The following VPS13C variants were observed in gnomAD, a reference collection of about 807,000 sequenced individuals.
VPS13C encodes the protein intermembrane lipid transfer protein VPS13C.
A neutral mutation model predicts 456.8 loss-of-function variants in VPS13C; 358 were observed. The observed-to-expected ratio is 0.78, with a 90% confidence interval of 0.72 to 0.86. The LOEUF is 0.86. Ranked by LOEUF, VPS13C falls within the 40% of genes least tolerant of loss-of-function variation. The pLI is 0.00. For synonymous variants in VPS13C, 1,578 were observed against 1,486.7 expected (o/e 1.06, Z -1.41); for missense variants, 4,818 against 4,385.4 (o/e 1.10, Z -2.79).
intron 30 of VPS13C, 124 bp downstream of exon 30, chr15:61,965,959 A>T: frequency 3.4e-6 from 2 of 585,910 alleles, no homozygotes; most frequent in East Asian, 3.1e-5. Context: ...GAGGTTATTT[A>T]TAACTCTTAT....
chr15:61,854,399 C>T lies in VPS13C; in HGVS notation c.*58G>A, dbSNP rs17238096. 0.07 allele frequency: 103,234 copies of T among 1,469,670 alleles called. 3,994 individuals are homozygous for T. The highest frequency in any genetic ancestry group is 0.082 in the Middle Eastern group (473 of 5,780). The allele number at this position is 1,469,670 out of a possible 1,614,324, so 91.0% of individuals were successfully genotyped here. A position where few individuals can be genotyped will look rare whatever the true frequency, so the allele number is the denominator to read the frequency against. On this transcript the variant is annotated 3_prime_UTR_variant, in exon 85 of 85. Coordinates refer to ENST00000644861, the MANE Select transcript of VPS13C (RefSeq NM_020821.3). ...TCTTTAGCAAGATAAAGCAGAGTGA[C>T]TTATAGACAAGACCAGTGATTGTTT...
chr15:61,940,201 T>A (rs925341511), intron 47 of VPS13C, among the ~76,000 whole-genome samples: 3 of 152,192 alleles, frequency 2.0e-5, no homozygotes, highest in Non-Finnish European at 4.4e-5. Context: ...TTAAAAATAC[T>A]AAGGTGCTTT....
chr15:61,944,061 G>A (rs1367209345), intron 45 of VPS13C, among the ~76,000 whole-genome samples: 1 of 152,104 alleles, frequency 6.6e-6, no homozygotes, highest in Non-Finnish European at 1.5e-5. Flanking sequence ...CTAACAATTA[G>A]AGAAATGCAA....
Position 61,945,827 on chromosome 15 carries a change from T to A in VPS13C, c.5036A>T (p.Asp1679Val), listed in dbSNP as rs143890997. The A allele has an allele frequency of 6.2e-7, 1 of 1,613,178 alleles. No homozygotes were observed. Among genetic ancestry groups the A allele is most frequent in the Non-Finnish European group, 8.5e-7 (1 of 1,179,682 alleles). ...VFRFQLTLYP[D>V]ATEGEAYADM... The stretch of plus-strand genomic sequence containing the variant: ...AGCATAGGCCTCTCCTTCTGTGGCA[T>A]CTGGATAAAGAGTCAGTTGGAACCT... The change falls in exon 45 of 85, where the codon GAT becomes GTT. Residue 1679 changes from aspartate to valine, a missense_variant. Asp to Val is a radical substitution (Grantham distance 152). This residue lies in a region of VPS13C where 4,552 missense variants were observed against 4,130.6 expected (regional missense o/e 1.10). Coordinates refer to ENST00000644861, the MANE Select transcript of VPS13C (RefSeq NM_020821.3).
rs573998047 is a variant in VPS13C, at chr15:61,980,638, A to T, written c.2166+704T>A. 5.1e-5 allele frequency among the ~76,000 whole-genome samples: 6 copies of T among 118,742 alleles called. No individual in the cohort carries two copies. The South Asian group carries it at 1.6e-3, about 31-fold the overall frequency. The allele number at this position is 118,742 out of a possible 152,430, so 77.9% of individuals were successfully genotyped here. A position where few individuals can be genotyped will look rare whatever the true frequency, so the allele number is the denominator to read the frequency against. ...TAACTTTTTTTGGTTTCCTAATCTT[A>T]AAAAAAAAAAAATCTATAAACAGTA... On this transcript the variant is annotated intron_variant, in intron 22 of 84. Coordinates refer to ENST00000644861, the MANE Select transcript of VPS13C (RefSeq NM_020821.3).
intron 16 of VPS13C, among the ~76,000 whole-genome samples, 157 bp from the exon 17 acceptor site, chr15:61,991,959 G>C (rs1419271698): frequency 6.6e-6 from 1 of 150,520 alleles, no homozygotes; most frequent in Non-Finnish European, 1.5e-5. Flanking sequence ...ACATAATTTA[G>C]TTAAATGCAG....
At chr15:62,037,431 T>C (rs2048093514) in intron 3 of VPS13C, among the ~76,000 whole-genome samples, 1 of 81,766 alleles carries the variant, frequency 1.2e-5, no homozygotes, top group Non-Finnish European at 2.5e-5. Flanking sequence ...TATATATAAA[T>C]ATAATATATA....
chr15:62,043,404 C>T (rs1050449837), intron 2 of VPS13C, among the ~76,000 whole-genome samples: 1 of 152,096 alleles, frequency 6.6e-6, no homozygotes, highest in Non-Finnish European at 1.5e-5. Flanking sequence ...TCAGGAGTTG[C>T]AGACCAGCCT....
chr15:61,903,371 CAACA>C lies in VPS13C; in HGVS notation c.9105+3889_9105+3892del, dbSNP rs1336107047. 3.3e-5 allele frequency among the ~76,000 whole-genome samples: 5 copies of C among 150,368 alleles called. No homozygotes were observed. In the East Asian group the frequency reaches 9.7e-4, roughly 29 times the overall value. On this transcript the variant is annotated intron_variant, in intron 66 of 84. Coordinates refer to ENST00000644861, the MANE Select transcript of VPS13C (RefSeq NM_020821.3). ...AATCAACTGCATAGCTTTATGCCAA[CAACA>C]AACAAACTAAAAAAGAAATCAAGAA...
chr15:61,855,028 A>C (rs1298821969), intron 83 of VPS13C, 74 bp from the exon 84 acceptor site: 12 of 1,215,012 alleles, frequency 9.9e-6, no homozygotes, highest in Non-Finnish European at 1.4e-5. Flanking sequence ...TTAATTGTAT[A>C]CTTAAATGTC....
intron 67 of VPS13C, among the ~76,000 whole-genome samples, chr15:61,886,067 A>G (rs978525491): frequency 6.6e-6 from 1 of 152,148 alleles, no homozygotes; most frequent in Non-Finnish European, 1.5e-5. Flanking sequence ...GCCTTAAACG[A>G]GTTCATTTTC....
intron 37 of VPS13C, among the ~76,000 whole-genome samples, chr15:61,954,932 C>A (rs1440025268): frequency 6.6e-6 from 1 of 152,028 alleles, no homozygotes; most frequent in Non-Finnish European, 1.5e-5. Flanking sequence ...GGAGCAAAAC[C>A]AGGGAATGAT....
intron 50 of VPS13C, among the ~76,000 whole-genome samples, chr15:61,930,070 A>C (rs2044003515): frequency 6.6e-6 from 1 of 152,236 alleles, no homozygotes; most frequent in Non-Finnish European, 1.5e-5. Context: ...GCCGGAAAGG[A>C]ATTTGGGCAA....
At chr15:62,007,140 G>A (rs893751874) in intron 15 of VPS13C, among the ~76,000 whole-genome samples, 168 bp downstream of exon 15, 9 of 151,468 alleles carry the variant, frequency 5.9e-5, no homozygotes, top group African/African-American at 2.2e-4. Flanking sequence ...TTTTTTTAAA[G>A]AAGAAAAACT....
At position 61,867,851 on chromosome 15, in the gene VPS13C, C is replaced by G; in HGVS notation, c.10863+808G>C. The G allele has an allele frequency of 6.4e-7, 1 of 1,568,230 alleles. No individual in the cohort carries two copies. ...TTTCATTAAAATTGACAATGGAATT[C>G]ACACACAGTCAATTAACACCACAGT... is the stretch of plus-strand genomic sequence containing the variant. On this transcript the variant is annotated intron_variant, in intron 81 of 84. Coordinates refer to ENST00000644861, the MANE Select transcript of VPS13C (RefSeq NM_020821.3). This position sits in a 1 kb window ranked among gnomAD's most constrained non-coding sequence, Gnocchi z 5.0.
rs913669897 is a variant in VPS13C at position 61,853,255 on chromosome 15, G to C, written c.*1202C>G. 1 of 152,088 alleles carries C rather than the reference G, an allele frequency of 6.6e-6. No homozygotes were observed. The highest frequency in any genetic ancestry group is 1.5e-5 in the Non-Finnish European group (1 of 68,014). 9.4% of individuals were successfully genotyped at this position (152,088 alleles called of 1,614,324 possible). A position where few individuals can be genotyped will look rare whatever the true frequency, so the allele number is the denominator to read the frequency against. On this transcript the variant is annotated 3_prime_UTR_variant, in exon 85 of 85. Transcript: ENST00000644861. The stretch of plus-strand genomic sequence containing the variant: ...TAAGTATTTAAAATACATTCTAGGC[G>C]TGCATTAGGAGTAAATGTTAATTTG...
At chr15:62,037,256 T>TATAA (rs1555449534) in intron 3 of VPS13C, among the ~76,000 whole-genome samples, 1 of 26,438 alleles carries the variant, frequency 3.8e-5, no homozygotes, top group South Asian at 7.1e-4. Context: ...AATATATTTA[T>TATAA]ATATATTATA....
At chr15:61,954,642 T>C in intron 37 of VPS13C, 88 bp from the exon 38 acceptor site, 3 of 1,333,606 alleles carry the variant, frequency 2.2e-6, no homozygotes, top group Non-Finnish European at 3.0e-6. Context: ...ATTCTGGACC[T>C]GGTAGAGGCA....
intron 63 of VPS13C, among the ~76,000 whole-genome samples, chr15:61,910,974 G>A (rs897089304): frequency 2.6e-5 from 4 of 152,068 alleles, no homozygotes; most frequent in Non-Finnish European, 4.4e-5. Flanking sequence ...TGAGTTTATG[G>A]AGATCATTCT....
Sources: gnomAD v4.1 joint callset for allele counts (sites outside exome capture counted in the v4.1 genomes callset) on GRCh38, gnomAD v4.1.1 for gene constraint, gnomAD v4.1.1 regional missense constraint, Gnocchi (gnomAD v3.1) non-coding constraint, MANE v1.5 for transcripts, NCBI Gene and HGNC (gene_info 2026-07-23, HGNC 2026-07-21) for gene names.